MTTP: variants seen among roughly 807,000 people sequenced by gnomAD.
MTTP encodes microsomal triglyceride transfer protein.
A neutral mutation model predicts 90.6 loss-of-function variants in MTTP; 49 were observed. The observed-to-expected ratio is 0.54, with a 90% CI of 0.43 to 0.69. The LOEUF is 0.69. MTTP is among the 30% of genes least tolerant of loss of function. The probability of loss-of-function intolerance (pLI) is 0.00; values close to 1 mark genes in which losing one functional copy is unlikely to be tolerated. For synonymous variants in MTTP, 347 were observed against 384.2 expected (o/e 0.90, Z 1.13); for missense variants, 945 against 1,067.5 (o/e 0.89, Z 1.60).
At chr4:99,618,855 A>G (rs1726162243) in intron 15 of MTTP, 119 bp from the exon 16 acceptor site, 1 of 1,351,786 alleles carries the variant, frequency 7.4e-7, no homozygotes, top group Admixed American at 1.8e-5. Context: ...AAAGACTCCA[A>G]CATCAACACA....
intron 10 of MTTP, 82 bp from the exon 11 acceptor site, chr4:99,606,666 T>C (rs1725823365): frequency 1.4e-6 from 2 of 1,437,150 alleles, no homozygotes; most frequent in Admixed American, 3.4e-5. Context: ...GTTGCTTTCT[T>C]GGACCCAAGA....
chr4:99,591,768 A>T lies in MTTP; in HGVS notation c.736A>T (p.Ile246Phe), dbSNP rs1251044687. 4 of 1,612,634 alleles carry T rather than the reference A, an allele frequency of 2.5e-6. No homozygotes were observed. Among genetic ancestry groups the T allele is most frequent in the Non-Finnish European group, 3.4e-6 (4 of 1,178,992 alleles). ...HNFGLNFLQT[I>F]KGKIVSKQKL... ...TTTTGGACTGAATTTCCTACAAACC[A>T]TTAAGGGGAAAATAGTATCGAAGTA... Residue 246 changes from isoleucine to phenylalanine, a missense_variant, in exon 6 of 18, where the codon ATT (isoleucine) becomes TTT (phenylalanine). Coordinates refer to ENST00000265517, the MANE Select transcript of MTTP (RefSeq NM_001386140.1).
intron 7 of MTTP, among the ~76,000 whole-genome samples, chr4:99,596,314 T>A (rs1725551035): frequency 6.6e-6 from 1 of 152,116 alleles, no homozygotes; most frequent in Non-Finnish European, 1.5e-5. Flanking sequence ...GGGAAAGTAG[T>A]AAAGTATGAA....
chr4:99,600,504 G>C lies in MTTP; in HGVS notation c.1068-61G>C, dbSNP rs376559926. ...ACCAATAGAAACTCTGTGAATGGTA[G>C]AGATTTTTAAGTATTCCTTCCCCTA... is the stretch of plus-strand genomic sequence containing the variant. On this transcript the variant is annotated intron_variant, in intron 8 of 17. Transcript: ENST00000265517. 4 of 1,504,954 alleles carry C rather than the reference G, an allele frequency of 2.7e-6. No homozygotes were observed. The African/African-American group carries it at 4.1e-5, about 16-fold the overall frequency. The allele number at this position is 1,504,954 out of a possible 1,614,324, so 93.2% of individuals were successfully genotyped here. A position where few individuals can be genotyped will look rare whatever the true frequency, so the allele number is the denominator to read the frequency against.
intron 8 of MTTP, among the ~76,000 whole-genome samples, chr4:99,598,651 GTCTTTTT>G (rs367972778): frequency 9.2e-6 from 1 of 108,506 alleles, no homozygotes; most frequent in Non-Finnish European, 1.8e-5. Flanking sequence ...CTTCAAGGAA[GTCTTTTT>G]TTTTTTTTTT....
chr4:99,594,690 A>G, intron 6 of MTTP, 43 bp from the exon 7 acceptor site: 2 of 1,610,390 alleles, frequency 1.2e-6, no homozygotes, highest in South Asian at 2.2e-5. Flanking sequence ...TGTTCACTCA[A>G]AAGAATGATT....
chr4:99,591,474 C>G, intron 5 of MTTP, 123 bp downstream of exon 5: 1 of 1,130,386 alleles, frequency 8.8e-7, no homozygotes, highest in East Asian at 2.6e-5. Flanking sequence ...TTAGTTTAGG[C>G]TACAAATTCA....
intron 6 of MTTP, among the ~76,000 whole-genome samples, chr4:99,593,392 TA>T (rs144358669): frequency 6.6e-5 from 10 of 152,060 alleles, no homozygotes; most frequent in African/African-American, 1.7e-4. Context: ...TAAGAGTTTT[TA>T]AAAAAAATTG....
rs1726223748 is a variant in MTTP, at chr4:99,621,250, G to A, written c.2513+19G>A. Reference sequence around the variant, plus strand: ...CATTCAGGTAAGATGCAGCGTTCAGGTCATGTTCCAGGACCATCCCCAGTG... The same window carrying A: ...CATTCAGGTAAGATGCAGCGTTCAGATCATGTTCCAGGACCATCCCCAGTG... On this transcript the variant is annotated intron_variant, in intron 17 of 17. Transcript: ENST00000265517. The A allele has an allele frequency of 1.2e-6, 2 of 1,613,536 alleles. No homozygotes were observed. The highest frequency in any genetic ancestry group is 1.7e-6 in the Non-Finnish European group (2 of 1,179,628).
Position 99,567,256 on chromosome 4 carries a change from A to G in MTTP, c.-102+3019A>G, listed in dbSNP as rs560045468. ...GCAGTGTAGTCTGTGAACTTCCTGA[A>G]TCTCCTGATAAAAACAGGTAAAGCA... On this transcript the variant is annotated intron_variant, in intron 1 of 18. Transcript: ENST00000457717. Among the ~76,000 whole-genome samples the G allele has an allele frequency of 5.1e-4, 78 of 152,338 alleles. 2 individuals carry two copies. Among genetic ancestry groups the G allele is most frequent in the Middle Eastern group, 3.4e-3 (1 of 294 alleles).
intron 1 of MTTP, among the ~76,000 whole-genome samples, chr4:99,565,686 A>T (rs1207422010): frequency 6.6e-6 from 1 of 152,204 alleles, no homozygotes; most frequent in Non-Finnish European, 1.5e-5. Flanking sequence ...TGTACTTGAG[A>T]TGCTTGTACT....
At chr4:99,621,379 A>G in intron 17 of MTTP, 148 bp downstream of exon 17, 1 of 1,054,346 alleles carries the variant, frequency 9.5e-7, no homozygotes, top group Non-Finnish European at 1.4e-6. Context: ...TAGAAGAATA[A>G]TTGATAAGGC....
intron 15 of MTTP, among the ~76,000 whole-genome samples, chr4:99,614,841 C>A (rs1726059825): frequency 1.3e-5 from 2 of 152,178 alleles, no homozygotes; most frequent in Admixed American, 6.5e-5. Context: ...AGCTTTTGAA[C>A]ATAGTTTTTC....
intron 3 of MTTP, among the ~76,000 whole-genome samples, chr4:99,588,094 T>TA (rs1450464131): frequency 6.6e-6 from 1 of 152,130 alleles, no homozygotes; most frequent in Non-Finnish European, 1.5e-5. Context: ...ATGTAGGAAG[T>TA]AAAAATAGAG....
intron 3 of MTTP, among the ~76,000 whole-genome samples, chr4:99,585,323 G>A (rs1725233311): frequency 6.6e-6 from 1 of 152,080 alleles, no homozygotes; most frequent in African/African-American, 2.4e-5. Flanking sequence ...CCAAAGTTAA[G>A]AAAAGTTAGG....
At chr4:99,564,354 A>C (rs982619501) in intron 1 of MTTP, 2 of 990,728 alleles carry the variant, frequency 2.0e-6, no homozygotes, top group South Asian at 2.0e-5. Context: ...TGCCTATATT[A>C]TTTTTAATTT....
intron 1 of MTTP, among the ~76,000 whole-genome samples, chr4:99,565,188 A>C (rs1456123039): frequency 2.6e-5 from 4 of 152,202 alleles, no homozygotes; most frequent in Non-Finnish European, 5.9e-5. Context: ...TGATGTGCCA[A>C]ATCTTTCCAC....
chr4:99,570,810 A>G (rs1490131471), upstream of MTTP: 1 of 455,484 alleles, frequency 2.2e-6, no homozygotes, highest in Non-Finnish European at 4.4e-6. Flanking sequence ...GGATTTGTAA[A>G]TGCAGGAAGG....
chr4:99,613,193 C>T lies in MTTP; in HGVS notation c.2217+53C>T, dbSNP rs75135401. ...TTGAGTCCCTAAAATACGCCAGGCA[C>T]GTTTTAAATATGCTTAGTTCTTGGA... On this transcript the variant is annotated intron_variant, in intron 15 of 17. Transcript: ENST00000265517. 531 of 1,457,784 alleles carry T rather than the reference C, an allele frequency of 3.6e-4. 5 individuals carry two copies. The highest frequency in any genetic ancestry group is 3.1e-3 in the East Asian group (130 of 42,114). 90.3% of individuals were successfully genotyped at this position (1,457,784 alleles called of 1,614,324 possible). A position where few individuals can be genotyped will look rare whatever the true frequency, so the allele number is the denominator to read the frequency against.
Sources: gnomAD v4.1 joint callset for allele counts (sites outside exome capture counted in the v4.1 genomes callset) on GRCh38, gnomAD v4.1.1 for gene constraint, MANE v1.5 for transcripts, NCBI Gene and HGNC (gene_info 2026-07-23, HGNC 2026-07-21) for gene names.